The following NCOA2 variants were observed in gnomAD, a reference collection of about 807,000 sequenced individuals.
NCOA2 encodes nuclear receptor coactivator 2, also known as class E basic helix-loop-helix protein 75.
Under a neutral mutation model 145.1 loss-of-function variants are expected in NCOA2, and 21 were observed. The ratio of observed to expected loss-of-function variants is 0.14; its 90% CI spans 0.10 to 0.21. The LOEUF (loss-of-function observed/expected upper bound fraction) is 0.21, where lower values mean the gene tolerates loss of function less well. Ranked by LOEUF, NCOA2 falls within the 10% of genes least tolerant of loss-of-function variation. The probability of loss-of-function intolerance (pLI) is 1.00; values close to 1 mark genes in which losing one functional copy is unlikely to be tolerated. For synonymous variants in NCOA2, 619 were observed against 637.5 expected (o/e 0.97, Z 0.44); for missense variants, 1,472 against 1,837.6 (o/e 0.80, Z 3.64).
chr8:70,273,319 A>AC, intron 2 of NCOA2: 1 of 295,858 alleles, frequency 3.4e-6, no homozygotes, highest in Non-Finnish European at 6.4e-6. Context: ...TTCCCCCGAG[A>AC]CCCCCTGAGC....
Position 70,110,447 on chromosome 8 carries a change from A to T in NCOA2, c.*3185T>A. ...TCTATAAAGAAACACCAGGGAGAAA[A>T]TTCTAATTAAAATCGAAGCCACTAC... On this transcript the variant is annotated 3_prime_UTR_variant, in exon 23 of 23. Transcript: ENST00000452400. The T allele has an allele frequency of 5.1e-6, 1 of 196,372 alleles. No homozygotes were observed. Among genetic ancestry groups the T allele is most frequent in the Non-Finnish European group, 1.1e-5 (1 of 94,706 alleles). The allele number at this position is 196,372 out of a possible 1,614,324, so 12.2% of individuals were successfully genotyped here. A position where few individuals can be genotyped will look rare whatever the true frequency, so the allele number is the denominator to read the frequency against.
intron 2 of NCOA2, among the ~76,000 whole-genome samples, chr8:70,247,523 A>C (rs1374436891): frequency 1.3e-5 from 2 of 152,190 alleles, no homozygotes; most frequent in Non-Finnish European, 2.9e-5. Context: ...AATGACTAAA[A>C]TCAATAATCA....
At chr8:70,372,846 T>C (rs1345124609) in intron 1 of NCOA2, among the ~76,000 whole-genome samples, 1 of 152,224 alleles carries the variant, frequency 6.6e-6, no homozygotes, top group Non-Finnish European at 1.5e-5. Context: ...TCCCTGTTCT[T>C]AAGATTCATA....
chr8:70,198,053 G>A (rs1244557072), intron 4 of NCOA2, among the ~76,000 whole-genome samples: 4 of 151,916 alleles, frequency 2.6e-5, no homozygotes, highest in African/African-American at 9.7e-5. Flanking sequence ...CTCCTGCCTT[G>A]GCCTCCCAAA....
intron 11 of NCOA2, 97 bp from the exon 12 acceptor site, chr8:70,148,580 C>A (rs1234568837): frequency 2.8e-6 from 3 of 1,060,264 alleles, no homozygotes; most frequent in Non-Finnish European, 4.2e-6. Flanking sequence ...TAAGGCACCA[C>A]AGCCAAATAA....
chr8:70,120,256 G>A (rs1050750763), intron 22 of NCOA2, among the ~76,000 whole-genome samples: 6 of 152,184 alleles, frequency 3.9e-5, no homozygotes, highest in Non-Finnish European at 1.5e-5. Context: ...ACTGTGAAGG[G>A]TAATATCTCT....
At chr8:70,287,746 A>G (rs1054533014) in intron 2 of NCOA2, among the ~76,000 whole-genome samples, 1 of 152,210 alleles carries the variant, frequency 6.6e-6, no homozygotes, top group Non-Finnish European at 1.5e-5. Context: ...TAGGCAATTT[A>G]TCAACTTCAT....
the NCOA2 span, among the ~76,000 whole-genome samples, chr8:70,413,271 C>T: frequency 9.2e-5 from 14 of 152,082 alleles, no homozygotes; most frequent in Admixed American, 6.6e-5. Flanking sequence ...ATGCATTCAC[C>T]TTGCTGTGCA....
Position 70,156,386 on chromosome 8 carries a change from G to T in NCOA2, c.1979C>A (p.Ser660Tyr). 6.2e-7 allele frequency: 1 copy of T among 1,613,982 alleles called. No individual in the cohort carries two copies. Among genetic ancestry groups the T allele is most frequent in the African/African-American group, 1.3e-5 (1 of 75,054 alleles). Residue 660 changes from serine (S) to tyrosine (Y), a missense_variant, in exon 11 of 23, where the codon TCT becomes TAT. Ser to Tyr is a moderately radical substitution (Grantham distance 144). Around this residue, in one of 4 missense-constraint regions of NCOA2, gnomAD observed 953 missense variants for 1,062.1 expected, o/e 0.90. Coordinates refer to ENST00000452400, the MANE Select transcript of NCOA2 (RefSeq NM_006540.4). ...DQMEPSPLAS[S>Y]LSDTNKDSTG... ...GGAGTCTTTGTTTGTATCCGACAAA[G>T]AGCTGGCTAAGGGCGAGGGCTCCAT...
At chr8:70,305,452 G>A (rs539989217) in intron 1 of NCOA2, among the ~76,000 whole-genome samples, 2 of 152,214 alleles carry the variant, frequency 1.3e-5, no homozygotes, top group East Asian at 3.9e-4. Flanking sequence ...GCATGTACGA[G>A]GGCAAGAGAG....
intron 5 of NCOA2, among the ~76,000 whole-genome samples, chr8:70,172,770 G>A (rs1814396898): frequency 6.6e-6 from 1 of 152,082 alleles, no homozygotes; most frequent in Non-Finnish European, 1.5e-5. Context: ...AGTACATGTT[G>A]CTTCCTACTG....
At chr8:70,180,954 T>A (rs1424928150) in intron 4 of NCOA2, among the ~76,000 whole-genome samples, 3 of 152,248 alleles carry the variant, frequency 2.0e-5, no homozygotes, top group Non-Finnish European at 4.4e-5. Context: ...AATTTATTTT[T>A]AAAAAAGTAC....
At chr8:70,159,242 A>ATATATATATATATATATT in intron 10 of NCOA2, among the ~76,000 whole-genome samples, 1 of 61,076 alleles carries the variant, frequency 1.6e-5, no homozygotes, top group African/African-American at 5.4e-5. Flanking sequence ...ATATATATAT[A>ATATATATATATATATATT]TTTTTTTTTT....
chr8:70,155,786 A>G (rs1013040540), intron 11 of NCOA2, among the ~76,000 whole-genome samples, 185 bp downstream of exon 11: 15 of 152,230 alleles, frequency 9.9e-5, no homozygotes, highest in African/African-American at 3.1e-4. Flanking sequence ...CCTATGTTCT[A>G]TAACAATGTC....
intron 2 of NCOA2, among the ~76,000 whole-genome samples, chr8:70,243,810 A>G (rs534384811): frequency 4.2e-4 from 62 of 148,954 alleles, no homozygotes; most frequent in African/African-American, 1.5e-3. Flanking sequence ...AAAAAAAAAG[A>G]ATGTGGGAGA....
At chr8:70,338,077 A>G (rs1232194394) in intron 1 of NCOA2, among the ~76,000 whole-genome samples, 1 of 152,138 alleles carries the variant, frequency 6.6e-6, no homozygotes, top group Non-Finnish European at 1.5e-5. Context: ...AAGACAAGAA[A>G]TAACCAAGAT....
chr8:70,216,692 C>T lies in NCOA2; in HGVS notation c.54G>A (p.Lys18=). The change falls in exon 3 of 23, where the codon AAG becomes AAA. Residue 18 remains lysine (K), a synonymous_variant. Transcript: ENST00000452400. ...CAAGTTGGTCAGGACATTCCTTGCG[C>T]TTTCTTGTCTCTGCCCTGGAGGGGT... is the stretch of plus-strand genomic sequence containing the variant. ...TSDPSRAETR[K]RKECPDQLGP... The T allele has an allele frequency of 1.2e-6, 2 of 1,613,814 alleles. No individual in the cohort carries two copies. Among genetic ancestry groups the T allele is most frequent in the South Asian group, 1.1e-5 (1 of 91,080 alleles).
At chr8:70,189,755 T>C (rs1056098589) in intron 4 of NCOA2, among the ~76,000 whole-genome samples, 1 of 152,220 alleles carries the variant, frequency 6.6e-6, no homozygotes, top group Non-Finnish European at 1.5e-5. Context: ...TTAAGCCAAG[T>C]GCTGAAATGG....
At chr8:70,121,446 A>G (rs1807802965) in intron 21 of NCOA2, 55 bp from the exon 22 acceptor site, 9 of 1,420,736 alleles carry the variant, frequency 6.3e-6, no homozygotes, top group African/African-American at 1.4e-5. Context: ...CCAAGAGTGC[A>G]CTGGAAAACA....
Sources: gnomAD v4.1 joint callset for allele counts (sites outside exome capture counted in the v4.1 genomes callset) on GRCh38, gnomAD v4.1.1 for gene constraint, gnomAD v4.1.1 regional missense constraint, MANE v1.5 for transcripts, NCBI Gene and HGNC (gene_info 2026-07-23, HGNC 2026-07-21) for gene names.